Variants in DLST observed in about 807,000 individuals in gnomAD.
DLST encodes the protein dihydrolipoamide S-succinyltransferase.
Under a neutral mutation model 53.1 loss-of-function variants are expected in DLST, and 17 were observed. That is an observed-to-expected ratio of 0.32 (90% confidence interval 0.22 to 0.48). The LOEUF (loss-of-function observed/expected upper bound fraction) is 0.48, where lower values mean the gene tolerates loss of function less well. DLST is among the 20% of genes least tolerant of loss of function. The probability of loss-of-function intolerance (pLI) is 0.99; values close to 1 mark genes in which losing one functional copy is unlikely to be tolerated. For synonymous variants in DLST, 206 were observed against 204.8 expected (o/e 1.01, Z -0.05); for missense variants, 512 against 583.9 (o/e 0.88, Z 1.27).
chr14:74,882,722 G>A, intron 2 of DLST, 98 bp downstream of exon 2: 2 of 1,157,104 alleles, frequency 1.7e-6, no homozygotes, highest in South Asian at 1.3e-5. Context: ...AATATTTAAA[G>A]ACAGTTTGGT....
At chr14:74,883,791 C>T (rs1461772898) in intron 2 of DLST, among the ~76,000 whole-genome samples, 1 of 152,214 alleles carries the variant, frequency 6.6e-6, no homozygotes, top group Non-Finnish European at 1.5e-5. Context: ...CCTGACCCAT[C>T]CTGAACTCTT....
intron 5 of DLST, 163 bp from the exon 6 acceptor site, chr14:74,889,734 A>T: frequency 1.5e-6 from 1 of 654,978 alleles, no homozygotes; most frequent in Non-Finnish European, 2.6e-6. Flanking sequence ...CCCTCCCCTC[A>T]GGATAGTTGT....
intron 14 of DLST, 26 bp downstream of exon 14, chr14:74,901,259 T>C (rs776394558): frequency 7.5e-6 from 12 of 1,597,544 alleles, no homozygotes; most frequent in Middle Eastern, 3.3e-4. Context: ...TCTAAGGTCC[T>C]AGTGGCTAGG....
intron 6 of DLST, 67 bp downstream of exon 6, chr14:74,890,019 A>C (rs995889741): frequency 1.4e-6 from 2 of 1,425,136 alleles, no homozygotes; most frequent in African/African-American, 2.8e-5. Flanking sequence ...TGAAAGAAAC[A>C]GGGACTTAAC....
rs200502397 is a variant in DLST, at chr14:74,881,950, C to T, written c.-4C>T. 21 of 1,554,114 alleles carry T rather than the reference C, an allele frequency of 1.4e-5. No individual in the cohort carries two copies. Among genetic ancestry groups the T allele is most frequent in the Admixed American group, 1.8e-5 (1 of 55,392 alleles). ...GTCCGCCCGCCCTCGGCTCCTCCGC[C>T]GTGATGCTGTCCCGATCCCGCTGTG... On this transcript the variant is annotated 5_prime_UTR_variant, in exon 1 of 15. Transcript: ENST00000334220.
chr14:74,891,329 T>C, intron 7 of DLST, 162 bp downstream of exon 7: 1 of 1,397,496 alleles, frequency 7.2e-7, no homozygotes, highest in Non-Finnish European at 9.3e-7. Flanking sequence ...GAACTTCAAA[T>C]GTCAAATTCT....
intron 10 of DLST, among the ~76,000 whole-genome samples, chr14:74,895,895 C>CA (rs944290914): frequency 1.0e-4 from 15 of 149,364 alleles, no homozygotes; most frequent in East Asian, 1.9e-4. Context: ...GATTGTGTCT[C>CA]AAAAAAAAAA....
At chr14:74,888,968 G>A (rs1298916067) in intron 3 of DLST, 127 bp from the exon 4 acceptor site, 3 of 922,990 alleles carry the variant, frequency 3.3e-6, no homozygotes, top group Middle Eastern at 3.4e-4. Context: ...TCCTCCCCAA[G>A]TGACACTGAT....
intron 13 of DLST, 29 bp downstream of exon 13, chr14:74,900,401 T>C: frequency 6.2e-7 from 1 of 1,603,366 alleles, no homozygotes; most frequent in Non-Finnish European, 8.5e-7. Flanking sequence ...TACAAGCTGC[T>C]AAGCAGGCGA....
chr14:74,893,535 A>G (rs139700322), intron 9 of DLST, 111 bp downstream of exon 9: 5 of 1,178,248 alleles, frequency 4.2e-6, no homozygotes, highest in African/African-American at 3.0e-5. Context: ...CATTCCCTCA[A>G]CCTTGATAAA....
At chr14:74,901,448 AAAG>A (rs552390138) in intron 14 of DLST, among the ~76,000 whole-genome samples, 43 of 152,348 alleles carry the variant, frequency 2.8e-4, no homozygotes, top group African/African-American at 8.7e-4. Context: ...TCCCAGACTT[AAAG>A]AAGAAGTGCA....
rs1594882942 is a variant in DLST, at chr14:74,901,239, A to G, written c.1227+6A>G. 6.2e-7 allele frequency: 1 copy of G among 1,613,452 alleles called. No homozygotes were observed. Among genetic ancestry groups the G allele is most frequent in the Admixed American group, 1.7e-5 (1 of 59,878 alleles). On this transcript the variant is annotated splice_donor_region_variant and intron_variant, in intron 14 of 14. Transcript: ENST00000334220. The stretch of plus-strand genomic sequence containing the variant: ...CAGTGGCTATAGGAGGCAAGGTAGG[A>G]ACCGTCACTTCTAAGGTCCTAGTGG...
At position 74,902,206 on chromosome 14, in the gene DLST, G is replaced by A. The variant is rs767072522; in HGVS notation, c.1238G>A (p.Arg413Gln). Residue 413 changes from arginine (R) to glutamine (Q), a missense_variant, in exon 15 of 15, where the codon CGG becomes CAG. Arg to Gln is a conservative substitution (Grantham distance 43, BLOSUM62 1). Coordinates refer to ENST00000334220, the MANE Select transcript of DLST (RefSeq NM_001933.5). ...PVAIGGKVEV[R>Q]PMMYVALTYD... ...CTTTCCTCTCTGTAGGTAGAGGTGCGGCCCATGATGTACGTGGCACTGACC... is the reference window on the plus strand; with the variant it reads ...CTTTCCTCTCTGTAGGTAGAGGTGCAGCCCATGATGTACGTGGCACTGACC... 4.4e-6 allele frequency: 7 copies of A among 1,598,138 alleles called. No individual in the cohort carries two copies. The highest frequency in any genetic ancestry group is 6.0e-6 in the Non-Finnish European group (7 of 1,170,522).
chr14:74,901,563 CT>C (rs1884246315), intron 14 of DLST, among the ~76,000 whole-genome samples: 2 of 152,184 alleles, frequency 1.3e-5, no homozygotes, highest in Admixed American at 1.3e-4. Flanking sequence ...TCCCTTGCCC[CT>C]GGGAAACAGA....
intron 7 of DLST, 103 bp downstream of exon 7, chr14:74,891,270 T>C: frequency 6.4e-7 from 1 of 1,554,076 alleles, no homozygotes; most frequent in Non-Finnish European, 8.8e-7. Flanking sequence ...CTCTTGTCAT[T>C]CCAGCTGCCC....
chr14:74,895,103 T>C (rs1188773838), intron 10 of DLST, among the ~76,000 whole-genome samples: 1 of 152,168 alleles, frequency 6.6e-6, no homozygotes, highest in African/African-American at 2.4e-5. Flanking sequence ...GGTGCACATC[T>C]GTAGCCCCAG....
At chr14:74,883,395 A>T (rs191438438) in intron 2 of DLST, among the ~76,000 whole-genome samples, 1 of 152,158 alleles carries the variant, frequency 6.6e-6, no homozygotes, top group African/African-American at 2.4e-5. Context: ...ACCCTGAGGA[A>T]GAAAAGAGGT....
chr14:74,902,128 T>TA, intron 14 of DLST, 68 bp from the exon 15 acceptor site: 1 of 1,456,840 alleles, frequency 6.9e-7, no homozygotes, highest in Non-Finnish European at 9.2e-7. Flanking sequence ...TGGGCTGTGC[T>TA]AAATCTCCTT....
Position 74,902,390 on chromosome 14 carries a change from G to T in DLST, c.*60G>T. 2 of 1,532,230 alleles carry T rather than the reference G, an allele frequency of 1.3e-6. No individual in the cohort carries two copies. Among genetic ancestry groups the T allele is most frequent in the Non-Finnish European group, 1.8e-6 (2 of 1,130,028 alleles). 94.9% of individuals were successfully genotyped at this position (1,532,230 alleles called of 1,614,324 possible). A position where few individuals can be genotyped will look rare whatever the true frequency, so the allele number is the denominator to read the frequency against. On this transcript the variant is annotated 3_prime_UTR_variant, in exon 15 of 15. Coordinates refer to ENST00000334220, the MANE Select transcript of DLST (RefSeq NM_001933.5). ...GGAACTGAAAACCAGTCTTCTCCCT[G>T]TCCCCTCATGGGTCCCGGGTTAGCC...
Sources: gnomAD v4.1 joint callset for allele counts (sites outside exome capture counted in the v4.1 genomes callset) on GRCh38, gnomAD v4.1.1 for gene constraint, MANE v1.5 for transcripts, NCBI Gene and HGNC (gene_info 2026-07-23, HGNC 2026-07-21) for gene names.